Variants in USP32 observed in about 807,000 individuals in gnomAD.
The protein encoded by USP32 is ubiquitin specific peptidase 32, also known as ubiquitin carboxyl-terminal hydrolase 32.
Under a neutral mutation model 204.8 loss-of-function variants are expected in USP32, and 59 were observed. That is an observed-to-expected ratio of 0.29 (90% CI 0.23 to 0.36). The LOEUF (loss-of-function observed/expected upper bound fraction) is 0.36. USP32 is among the 10% of genes least tolerant of loss of function. The probability of loss-of-function intolerance (pLI) is 1.00; values close to 1 mark genes in which losing one functional copy is unlikely to be tolerated. For synonymous variants in USP32, 517 were observed against 678.4 expected, an observed-to-expected ratio of 0.76 and a Z score of 3.70; for missense variants, 1,160 against 1,946.4, an observed-to-expected ratio of 0.60 and a Z score of 7.60.
chr17:60,312,531 TCCTCCCAAGAGTCCTTGGGAGTCTGAGG>T (rs1468168700), intron 2 of USP32, among the ~76,000 whole-genome samples: 1 of 150,836 alleles, frequency 6.6e-6, no homozygotes, highest in Non-Finnish European at 1.5e-5. Context: ...GCTCAAGTGA[TCCTCCCAAGAGTCCTTGGGAGTCTGAGG>T]ACTCCCAAGT....
intron 1 of USP32, among the ~76,000 whole-genome samples, chr17:60,372,845 T>TAA (rs746725190): frequency 1.1e-4 from 10 of 88,370 alleles, no homozygotes; most frequent in Admixed American, 5.1e-4. Context: ...AGACCCTGTC[T>TAA]AAAAAAAAAA....
chr17:60,255,298 C>CTT (rs747340163), intron 9 of USP32, 40 bp from the exon 10 acceptor site: 7,381 of 1,089,222 alleles, frequency 6.8e-3, no homozygotes, highest in African/African-American at 0.01. Flanking sequence ...TCTTTTTTTT[C>CTT]TTTTTTTTTT....
At position 60,178,439 on chromosome 17, in the gene USP32, G is replaced by A. The variant is rs371054189; in HGVS notation, c.*816C>T. 1.3e-3 allele frequency among the ~76,000 whole-genome samples: 201 copies of A among 152,290 alleles called. 1 individual carries two copies. The highest frequency in any genetic ancestry group is 4.5e-3 in the African/African-American group (187 of 41,552). On this transcript the variant is annotated 3_prime_UTR_variant, in exon 34 of 34. Transcript: ENST00000300896. ...CCCTTCCCTCAGCATGGGTGGGGCC[G>A]GGGGTGCAGAATACATTTCTGAGGA...
At chr17:60,342,238 C>CTGCAGAACAGCAAATAT (rs915371794) in intron 2 of USP32, among the ~76,000 whole-genome samples, 1 of 152,318 alleles carries the variant, frequency 6.6e-6, no homozygotes, top group Admixed American at 6.5e-5. Context: ...CCAGTAGAGG[C>CTGCAGAACAGCAAATAT]TGCAGAACAG....
intron 1 of USP32, among the ~76,000 whole-genome samples, chr17:60,419,059 G>A (rs1294186614): frequency 6.6e-6 from 1 of 152,060 alleles, no homozygotes; most frequent in African/African-American, 2.4e-5. Flanking sequence ...AAAGACACAT[G>A]CACTCGTATA....
chr17:60,284,577 C>A (rs1461452478), intron 5 of USP32, among the ~76,000 whole-genome samples: 1 of 151,544 alleles, frequency 6.6e-6, no homozygotes, highest in Non-Finnish European at 1.5e-5. Context: ...ACTAAAAATC[C>A]AAAAAAAGAT....
At chr17:60,395,164 C>G (rs544659870), upstream of USP32, among the ~76,000 whole-genome samples, 1 of 152,160 alleles carries the variant, frequency 6.6e-6, no homozygotes, top group Non-Finnish European at 1.5e-5. Context: ...GACTGAAACA[C>G]GACTGTAGCT....
chr17:60,189,562 T>G (rs2145399271), intron 29 of USP32, among the ~76,000 whole-genome samples: 1 of 152,352 alleles, frequency 6.6e-6, no homozygotes, highest in East Asian at 1.9e-4. Flanking sequence ...AATATTTGGT[T>G]GATTAAAAAC....
At chr17:60,263,914 AAC>A (rs1213560785) in intron 9 of USP32, among the ~76,000 whole-genome samples, 18 of 152,218 alleles carry the variant, frequency 1.2e-4, no homozygotes, top group Non-Finnish European at 2.9e-5. Context: ...TCTATTTAAT[AAC>A]ACCATTGTGG....
chr17:60,214,512 T>G, intron 17 of USP32, 108 bp downstream of exon 17: 1 of 856,244 alleles, frequency 1.2e-6, no homozygotes, highest in South Asian at 1.8e-5. Context: ...TGGCAACATA[T>G]GTACTAAAAT....
chr17:60,412,809 T>C (rs562035536), intron 1 of USP32, among the ~76,000 whole-genome samples: 1 of 152,276 alleles, frequency 6.6e-6, no homozygotes, highest in African/African-American at 2.4e-5. Context: ...TGACATTCAT[T>C]CAGTTCTCTC....
upstream of USP32, among the ~76,000 whole-genome samples, chr17:60,396,127 G>A (rs1051373546): frequency 1.5e-5 from 2 of 137,828 alleles, no homozygotes; most frequent in Admixed American, 1.5e-4. Flanking sequence ...ACCCAAGCTG[G>A]AGTGCAGTAG....
At chr17:60,292,050 A>G (rs747624839) in intron 4 of USP32, among the ~76,000 whole-genome samples, 3 of 151,882 alleles carry the variant, frequency 2.0e-5, no homozygotes, top group Non-Finnish European at 4.4e-5. Flanking sequence ...ACCAAATTTA[A>G]TGATCACTTC....
At chr17:60,274,176 T>A (rs1036115078) in intron 5 of USP32, among the ~76,000 whole-genome samples, 1 of 151,916 alleles carries the variant, frequency 6.6e-6, no homozygotes, top group African/African-American at 2.4e-5. Flanking sequence ...TTTAAAAAAA[T>A]TCCCTAGAGG....
intron 5 of USP32, among the ~76,000 whole-genome samples, chr17:60,274,382 T>C (rs1433644851): frequency 6.6e-6 from 1 of 152,006 alleles, no homozygotes; most frequent in Non-Finnish European, 1.5e-5. Context: ...TCTCAAAAAA[T>C]AATGGCTGAA....
intron 1 of USP32, among the ~76,000 whole-genome samples, chr17:60,402,614 C>T (rs900704959): frequency 6.6e-6 from 1 of 152,196 alleles, no homozygotes; most frequent in Non-Finnish European, 1.5e-5. Flanking sequence ...GCACAGTATG[C>T]ATTACTTTGC....
chr17:60,256,434 T>G (rs980973440), intron 9 of USP32, among the ~76,000 whole-genome samples: 1 of 151,894 alleles, frequency 6.6e-6, no homozygotes, highest in Non-Finnish European at 1.5e-5. Flanking sequence ...AAGGTTTTTG[T>G]TTTTTTTCCA....
chr17:60,262,324 T>C (rs557147127), intron 9 of USP32, among the ~76,000 whole-genome samples: 9 of 152,310 alleles, frequency 5.9e-5, no homozygotes, highest in Non-Finnish European at 1.0e-4. Context: ...CCTGAGTAGC[T>C]GGAATTACAG....
chr17:60,307,988 G>A (rs1158644204), intron 2 of USP32, among the ~76,000 whole-genome samples: 1 of 152,176 alleles, frequency 6.6e-6, no homozygotes, highest in Non-Finnish European at 1.5e-5. Flanking sequence ...AGAACGATGC[G>A]GAGTTAGGGT....
Sources: gnomAD v4.1 joint callset for allele counts (sites outside exome capture counted in the v4.1 genomes callset) on GRCh38, gnomAD v4.1.1 for gene constraint, MANE v1.5 for transcripts, NCBI Gene and HGNC (gene_info 2026-07-23, HGNC 2026-07-21) for gene names.